The following DENND1A variants were observed in gnomAD, a reference collection of about 807,000 sequenced individuals.
The protein encoded by DENND1A is DENN domain-containing protein 1A.
Under a neutral mutation model 113.7 loss-of-function variants are expected in DENND1A, and 51 were observed. The observed-to-expected ratio is 0.45, with a 90% CI of 0.36 to 0.57. The LOEUF (loss-of-function observed/expected upper bound fraction) is 0.57, where lower values mean the gene tolerates loss of function less well. Ranked by LOEUF, DENND1A falls within the 20% of genes least tolerant of loss-of-function variation. The probability of loss-of-function intolerance (pLI) is 0.00; values close to 1 mark genes in which losing one functional copy is unlikely to be tolerated. For synonymous variants in DENND1A, 565 were observed against 570.8 expected (o/e 0.99, Z 0.14); for missense variants, 1,258 against 1,395.9 (o/e 0.90, Z 1.57).
At chr9:123,916,009 T>C (rs557707263) in intron 1 of DENND1A, among the ~76,000 whole-genome samples, 1 of 152,234 alleles carries the variant, frequency 6.6e-6, no homozygotes, top group African/African-American at 2.4e-5. Flanking sequence ...AAATTACCCT[T>C]TGACCCAAAT....
rs2066130488 is a variant in DENND1A at position 123,705,354 on chromosome 9, G to C, written c.303-28565C>G. ...GATATTAAGCAGCACAGCTGGACAA[G>C]AAAAGGAAATAAAGGGTACAAAGAA... On this transcript the variant is annotated intron_variant, in intron 5 of 23. Transcript: ENST00000394215. 2.0e-5 allele frequency among the ~76,000 whole-genome samples: 3 copies of C among 151,966 alleles called. No homozygotes were observed. In the South Asian group the frequency reaches 6.2e-4, roughly 32 times the overall value.
At chr9:123,550,160 T>C (rs1195373941) in intron 13 of DENND1A, among the ~76,000 whole-genome samples, 1 of 152,222 alleles carries the variant, frequency 6.6e-6, no homozygotes, top group Non-Finnish European at 1.5e-5. Context: ...AATCATGGGC[T>C]ATAAGGTGGA....
rs1170659580 is a variant in DENND1A, at chr9:123,815,993, C to CTTT, written c.89-23366_89-23364dup. On this transcript the variant is annotated intron_variant, in intron 2 of 23. Coordinates refer to ENST00000394215, the MANE Select transcript of DENND1A (RefSeq NM_001352964.2). ...GCACTGGGCCCTCAAAGTGACTGTA[C>CTTT]TTTTTTTTTTTTTTTTTTTTTTTTT... 2.4e-3 allele frequency among the ~76,000 whole-genome samples: 189 copies of CTTT among 79,778 alleles called. 4 individuals are homozygous for CTTT. The highest frequency in any genetic ancestry group is 4.4e-3 in the African/African-American group (84 of 19,300). 52.3% of individuals were successfully genotyped at this position (79,778 alleles called of 152,430 possible). A position where few individuals can be genotyped will look rare whatever the true frequency, so the allele number is the denominator to read the frequency against.
chr9:123,864,413 A>T (rs1419394782), intron 2 of DENND1A, among the ~76,000 whole-genome samples: 2 of 152,208 alleles, frequency 1.3e-5, no homozygotes, highest in African/African-American at 4.8e-5. Flanking sequence ...TCCAGACCAC[A>T]GGGCAGTTTC....
At chr9:123,420,646 TCC>T (rs1010373821) in intron 19 of DENND1A, among the ~76,000 whole-genome samples, 2 of 152,142 alleles carry the variant, frequency 1.3e-5, no homozygotes, top group Non-Finnish European at 2.9e-5. Context: ...AGTGCATTCT[TCC>T]CCGATGTTGA....
rs772807156 is a variant in DENND1A, at chr9:123,764,480, C to T, written c.182+5034G>A. ...CTCAAAGCTTCCTTCCACAAACACA[C>T]CTTACATCTGCCTAGGCCTCAAGTT... On this transcript the variant is annotated intron_variant, in intron 4 of 23. Transcript: ENST00000394215. This position sits in a 1 kb window ranked among gnomAD's most constrained non-coding sequence, Gnocchi z 4.1. 2.0e-5 allele frequency among the ~76,000 whole-genome samples: 3 copies of T among 152,194 alleles called. No homozygotes were observed. The highest frequency in any genetic ancestry group is 7.2e-5 in the African/African-American group (3 of 41,442).
intron 1 of DENND1A, among the ~76,000 whole-genome samples, chr9:123,910,585 C>T (rs1428113066): frequency 3.3e-5 from 5 of 152,126 alleles, no homozygotes; most frequent in African/African-American, 1.2e-4. Flanking sequence ...CAGAACACAT[C>T]AAAAAGTAAA....
chr9:123,440,271 G>T, intron 19 of DENND1A, 89 bp downstream of exon 19: 1 of 1,418,718 alleles, frequency 7.0e-7, no homozygotes, highest in Non-Finnish European at 9.3e-7. Flanking sequence ...GAACTGAAAT[G>T]AAAAACCGTC....
chr9:123,527,636 G>C (rs535220207), intron 13 of DENND1A, among the ~76,000 whole-genome samples: 2 of 151,966 alleles, frequency 1.3e-5, no homozygotes, highest in Admixed American at 1.3e-4. Flanking sequence ...TGGATCTCCC[G>C]CACCCATCTG....
intron 13 of DENND1A, among the ~76,000 whole-genome samples, chr9:123,462,814 A>G (rs1035754471): frequency 1.3e-4 from 20 of 151,920 alleles, no homozygotes; most frequent in African/African-American, 4.8e-4. Context: ...TAAAAACAAC[A>G]AAAAAAATAA....
chr9:123,382,141 G>T lies in DENND1A; in HGVS notation c.2504C>A (p.Ala835Asp), dbSNP rs769698295. ...CAGGGCGTCACTGCTCGTGCCTGCA[G>T]CCCCGGGGCCAGGGCTGAGCGGCTG... ...LLQPLSPGPG[A>D]AGTSSDALLA... The change falls in exon 24 of 24, where the codon GCT becomes GAT. Residue 835 changes from alanine to aspartate, a missense_variant. Transcript: ENST00000394215. The T allele has an allele frequency of 6.3e-6, 10 of 1,598,650 alleles. No homozygotes were observed. The Admixed American group carries it at 1.2e-4, about 19-fold the overall frequency.
At chr9:123,414,886 G>A (rs1052971172) in intron 19 of DENND1A, among the ~76,000 whole-genome samples, 3 of 152,076 alleles carry the variant, frequency 2.0e-5, no homozygotes, top group Admixed American at 1.3e-4. Flanking sequence ...TTTACCATAG[G>A]GTCTAGTAGA....
In DENND1A at chr9:123,597,752, G is replaced by C. The variant is rs113529973; in HGVS notation, c.765+11684C>G. Among the ~76,000 whole-genome samples, 16 of 152,264 alleles carry C rather than the reference G, an allele frequency of 1.1e-4. 1 individual carries two copies. The highest frequency in any genetic ancestry group is 3.9e-4 in the African/African-American group (16 of 41,558). On this transcript the variant is annotated intron_variant, in intron 11 of 23. Transcript: ENST00000394215. ...AGGTGCTACACAAATCTAAAAGGCT[G>C]CTAAATGGTTTGTGTGGGTCTTCTT...
chr9:123,762,033 A>C (rs758400422), intron 4 of DENND1A, among the ~76,000 whole-genome samples: 1 of 152,108 alleles, frequency 6.6e-6, no homozygotes, highest in Non-Finnish European at 1.5e-5. Context: ...GTTTACTTTC[A>C]TTTTGTTTTC....
intron 5 of DENND1A, among the ~76,000 whole-genome samples, chr9:123,679,472 T>C (rs1225707402): frequency 1.3e-5 from 2 of 152,168 alleles, no homozygotes; most frequent in Non-Finnish European, 2.9e-5. Context: ...CCACAAGAAG[T>C]TTTGCAGTTA....
intron 2 of DENND1A, among the ~76,000 whole-genome samples, chr9:123,809,077 G>A (rs1836100500): frequency 1.3e-5 from 2 of 152,200 alleles, no homozygotes; most frequent in African/African-American, 4.8e-5. Flanking sequence ...TGGGGAGACA[G>A]GAGGCAACAG....
intron 2 of DENND1A, among the ~76,000 whole-genome samples, chr9:123,831,737 C>T (rs1840249029): frequency 1.3e-5 from 2 of 152,192 alleles, no homozygotes; most frequent in Non-Finnish European, 2.9e-5. Flanking sequence ...AATCTCAGCA[C>T]TCTGGGAGGC....
intron 11 of DENND1A, among the ~76,000 whole-genome samples, chr9:123,590,021 T>C (rs76782154): frequency 0.22 from 33,476 of 152,202 alleles, 4,200 homozygotes; most frequent in Admixed American, 0.27. Context: ...GTGTGAGGCT[T>C]TGATAAGCTA....
intron 11 of DENND1A, among the ~76,000 whole-genome samples, chr9:123,606,410 C>T (rs1264781262): frequency 6.6e-6 from 1 of 152,214 alleles, no homozygotes; most frequent in Non-Finnish European, 1.5e-5. Flanking sequence ...GCCAGTGCTT[C>T]CTAAGCCTTC....
Sources: gnomAD v4.1 joint callset for allele counts (sites outside exome capture counted in the v4.1 genomes callset) on GRCh38, gnomAD v4.1.1 for gene constraint, Gnocchi (gnomAD v3.1) non-coding constraint, MANE v1.5 for transcripts, NCBI Gene and HGNC (gene_info 2026-07-23, HGNC 2026-07-21) for gene names.